Variants in BIRC6 observed in about 807,000 individuals in gnomAD.
The protein encoded by BIRC6 is baculoviral IAP repeat containing 6, also known as dual E2 ubiquitin-conjugating enzyme/E3 ubiquitin-protein ligase BIRC6.
In BIRC6, 98 loss-of-function variants were observed where a neutral mutation model predicts 503.3. The ratio of observed to expected loss-of-function variants is 0.19; its 90% confidence interval spans 0.17 to 0.23. The LOEUF (loss-of-function observed/expected upper bound fraction) is 0.23. Ranked by LOEUF, BIRC6 falls within the 10% of genes least tolerant of loss-of-function variation. BIRC6 has a pLI of 1.00. For synonymous variants in BIRC6, 2,240 were observed against 2,078.7 expected, an observed-to-expected ratio of 1.08 and a Z score of -2.11; for missense variants, 5,360 against 5,806.0, an observed-to-expected ratio of 0.92 and a Z score of 2.50.
chr2:32,591,923 A>G (rs562119385), intron 66 of BIRC6, among the ~76,000 whole-genome samples: 10 of 152,298 alleles, frequency 6.6e-5, no homozygotes, highest in Non-Finnish European at 1.3e-4. Flanking sequence ...TTTGACACTG[A>G]TTGTTATTAG....
At chr2:32,390,854 A>G (rs1420801366) in intron 4 of BIRC6, among the ~76,000 whole-genome samples, 1 of 152,096 alleles carries the variant, frequency 6.6e-6, no homozygotes, top group East Asian at 1.9e-4. Context: ...TAGTTAAGTG[A>G]TTTTGTTGTT....
At chr2:32,547,193 TC>T (rs2058109818) in intron 63 of BIRC6, among the ~76,000 whole-genome samples, 1 of 152,228 alleles carries the variant, frequency 6.6e-6, no homozygotes, top group African/African-American at 2.4e-5. Context: ...CCTAAAAAGA[TC>T]TGCTCATATC....
At chr2:32,401,793 C>G (rs1294130539) in intron 8 of BIRC6, among the ~76,000 whole-genome samples, 170 bp downstream of exon 8, 1 of 152,142 alleles carries the variant, frequency 6.6e-6, no homozygotes, top group African/African-American at 2.4e-5. Flanking sequence ...GAAGAAAAAT[C>G]TTCATTCAGA....
intron 73 of BIRC6, among the ~76,000 whole-genome samples, chr2:32,615,418 T>C (rs886269760): frequency 2.6e-5 from 4 of 152,176 alleles, no homozygotes; most frequent in African/African-American, 7.2e-5. Flanking sequence ...ACTTTGCAAA[T>C]AGCTGCAAGG....
chr2:32,460,317 T>C (rs1295241300), intron 23 of BIRC6, among the ~76,000 whole-genome samples: 5 of 131,950 alleles, frequency 3.8e-5, no homozygotes, highest in East Asian at 2.5e-4. Flanking sequence ...TCTCGCTCTG[T>C]TGCCAGGCTG....
In BIRC6 at chr2:32,415,748, T is replaced by C; in HGVS notation, c.2457T>C (p.Asn819=). The C allele has an allele frequency of 6.2e-7, 1 of 1,613,730 alleles. No homozygotes were observed. Among genetic ancestry groups the C allele is most frequent in the Non-Finnish European group, 8.5e-7 (1 of 1,179,814 alleles). The change falls in exon 10 of 74, where the codon AAT becomes AAC. Residue 819 remains asparagine (N), a synonymous_variant. Coordinates refer to ENST00000421745, the MANE Select transcript of BIRC6 (RefSeq NM_016252.4). ...TPLIIQPEQR[N]VSGGYLVLYK... ...TAATAATTCAGCCTGAGCAGAGGAA[T>C]GTTAGTGGTGGATATTTAGTGCTTT...
chr2:32,539,160 T>A (rs577146066), intron 61 of BIRC6, among the ~76,000 whole-genome samples: 1 of 152,198 alleles, frequency 6.6e-6, no homozygotes, highest in African/African-American at 2.4e-5. Context: ...TCAGAATAAG[T>A]CATAACAATC....
At chr2:32,537,616 T>C (rs1242760298) in intron 61 of BIRC6, among the ~76,000 whole-genome samples, 1 of 152,170 alleles carries the variant, frequency 6.6e-6, no homozygotes, top group African/African-American at 2.4e-5. Flanking sequence ...ATAAAAAGTA[T>C]GGGATTAACT....
chr2:32,422,050 G>T (rs751480505), intron 10 of BIRC6, among the ~76,000 whole-genome samples: 5 of 152,028 alleles, frequency 3.3e-5, no homozygotes, highest in Non-Finnish European at 7.4e-5. Context: ...TGGTTCTTTT[G>T]TCATTATGAA....
At chr2:32,542,000 A>T (rs2057698277) in intron 61 of BIRC6, among the ~76,000 whole-genome samples, 1 of 152,082 alleles carries the variant, frequency 6.6e-6, no homozygotes, top group Non-Finnish European at 1.5e-5. Context: ...TCAGGATCAT[A>T]TATTGCATTT....
intron 57 of BIRC6, among the ~76,000 whole-genome samples, chr2:32,520,834 TTAAA>T (rs1367253814): frequency 1.3e-5 from 2 of 151,922 alleles, no homozygotes; most frequent in African/African-American, 4.8e-5. Flanking sequence ...ACAAACAAAA[TTAAA>T]TAAATGAAGA....
intron 66 of BIRC6, among the ~76,000 whole-genome samples, chr2:32,593,131 A>G (rs1274580637): frequency 6.6e-6 from 1 of 152,232 alleles, no homozygotes. Flanking sequence ...AATTATAAAG[A>G]TGTAGATTTT....
chr2:32,529,949 C>T (rs913837027), intron 60 of BIRC6, 125 bp downstream of exon 60: 8 of 586,588 alleles, frequency 1.4e-5, no homozygotes, highest in Non-Finnish European at 2.0e-5. Context: ...TTTTTTATGA[C>T]TGAATTTTTG....
At chr2:32,421,996 CTTT>C (rs1474316141) in intron 10 of BIRC6, among the ~76,000 whole-genome samples, 2 of 152,054 alleles carry the variant, frequency 1.3e-5, no homozygotes, top group Admixed American at 6.6e-5. Context: ...ACTTTTGGCT[CTTT>C]TGTTAGACTG....
intron 71 of BIRC6, 64 bp downstream of exon 71, chr2:32,603,147 T>A (rs1265160784): frequency 1.1e-5 from 14 of 1,267,510 alleles, no homozygotes; most frequent in Admixed American, 4.9e-5. Context: ...TTTTAAAAAA[T>A]TTTTAGTGAC....
chr2:32,369,943 AAAATATATATATATAT>A (rs1176783057), intron 1 of BIRC6, among the ~76,000 whole-genome samples: 2 of 32,308 alleles, frequency 6.2e-5, no homozygotes, highest in Non-Finnish European at 1.0e-4. Context: ...AAAAAAAAAA[AAAATATATATATATAT>A]ATATATATAT....
intron 70 of BIRC6, chr2:32,602,799 T>A (rs2062154578): frequency 2.6e-5 from 12 of 464,444 alleles, no homozygotes; most frequent in Non-Finnish European, 4.2e-5. Context: ...CTGTTTTGCA[T>A]TATGAAAAAG....
chr2:32,375,443 G>A (rs1342298454), intron 1 of BIRC6, among the ~76,000 whole-genome samples: 2 of 151,792 alleles, frequency 1.3e-5, no homozygotes, highest in East Asian at 1.9e-4. Flanking sequence ...AGCCCCAGGC[G>A]TTGCCCTGGG....
At chr2:32,584,600 T>C (rs1170383391) in intron 66 of BIRC6, among the ~76,000 whole-genome samples, 1 of 152,234 alleles carries the variant, frequency 6.6e-6, no homozygotes, top group Non-Finnish European at 1.5e-5. Context: ...ATCAGGATGC[T>C]GGCATTGTAT....
Sources: allele counts gnomAD v4.1 joint callset (sites outside exome capture counted in the v4.1 genomes callset), GRCh38; gene constraint gnomAD v4.1.1; transcripts MANE v1.5; gene names NCBI Gene and HGNC (gene_info 2026-07-23, HGNC 2026-07-21).